Variants in NOL4L observed in about 807,000 individuals in gnomAD.
NOL4L encodes nucleolar protein 4-like.
A neutral mutation model predicts 64.5 loss-of-function variants in NOL4L; 7 were observed. That is an observed-to-expected ratio of 0.11 (90% confidence interval 0.06 to 0.20). The LOEUF (loss-of-function observed/expected upper bound fraction) is 0.20, where lower values mean the gene tolerates loss of function less well. NOL4L is among the 10% of genes least tolerant of loss of function. The probability of loss-of-function intolerance (pLI) is 1.00; values close to 1 mark genes in which losing one functional copy is unlikely to be tolerated. For missense variants in NOL4L, 680 were observed against 967.1 expected, an observed-to-expected ratio of 0.70 and a Z score of 3.94; for synonymous variants, 413 against 401.0, an observed-to-expected ratio of 1.03 and a Z score of -0.36.
At chr20:32,575,010 C>T (rs374467448) in intron 1 of NOL4L, among the ~76,000 whole-genome samples, 2 of 152,288 alleles carry the variant, frequency 1.3e-5, no homozygotes, top group African/African-American at 4.8e-5. Context: ...ACCGCTGGTC[C>T]GTCGAGGAAA....
intron 3 of NOL4L, among the ~76,000 whole-genome samples, chr20:32,513,727 T>G (rs1272505702): frequency 6.6e-6 from 1 of 152,016 alleles, no homozygotes; most frequent in African/African-American, 2.4e-5. Context: ...TAGCTGGGTG[T>G]GGTGGCACGT....
chr20:32,461,454 GCT>G (rs1288916055), intron 5 of NOL4L, among the ~76,000 whole-genome samples: 30 of 128,014 alleles, frequency 2.3e-4, no homozygotes, highest in Non-Finnish European at 4.3e-4. Context: ...ACGGAGTCTT[GCT>G]CTGTTGCTCA....
chr20:32,557,340 T>C (rs531248130), intron 1 of NOL4L, among the ~76,000 whole-genome samples: 3 of 152,370 alleles, frequency 2.0e-5, no homozygotes, highest in East Asian at 1.9e-4. Flanking sequence ...GTGCTCATTG[T>C]AGCTAATTAG....
chr20:32,462,475 C>T (rs1335615159), intron 5 of NOL4L, among the ~76,000 whole-genome samples: 2 of 152,188 alleles, frequency 1.3e-5, no homozygotes, highest in East Asian at 3.9e-4. Flanking sequence ...GGGCTGGCTG[C>T]AACCCTCACA....
At chr20:32,488,793 T>TCCTTCCTTTCTTTCTTTC (rs1304215016) in intron 4 of NOL4L, among the ~76,000 whole-genome samples, 6 of 26,902 alleles carry the variant, frequency 2.2e-4, no homozygotes, top group South Asian at 1.0e-3. Flanking sequence ...CTTCCTTCCT[T>TCCTTCCTTTCTTTCTTTC]TCTTTCTTTC....
chr20:32,461,547 C>G (rs896228496), intron 5 of NOL4L, among the ~76,000 whole-genome samples: 1 of 151,138 alleles, frequency 6.6e-6, no homozygotes, highest in Non-Finnish European at 1.5e-5. Flanking sequence ...CTCGGCTTCC[C>G]GAGTAGCTGG....
intron 4 of NOL4L, chr20:32,483,521 C>T (rs554283946): frequency 3.1e-6 from 3 of 977,448 alleles, no homozygotes; most frequent in Non-Finnish European, 3.6e-6. Flanking sequence ...CTGCCCGGCC[C>T]GGGGGCGGGG....
intron 6 of NOL4L, 50 bp downstream of exon 6, chr20:32,456,068 G>A (rs529094139): frequency 3.1e-5 from 45 of 1,445,082 alleles, no homozygotes; most frequent in Middle Eastern, 2.1e-4. Context: ...TTCTCGCCTC[G>A]CGACAGCCCT....
chr20:32,536,960 GGCCCC>G, intron 1 of NOL4L: 1 of 661,000 alleles, frequency 1.5e-6, no homozygotes, highest in Non-Finnish European at 1.9e-6. Flanking sequence ...CGCCCGCGCG[GGCCCC>G]GCCCACCCCA....
chr20:32,562,246 C>T (rs1008379248), intron 1 of NOL4L, among the ~76,000 whole-genome samples: 2 of 152,150 alleles, frequency 1.3e-5, no homozygotes, highest in African/African-American at 4.8e-5. Flanking sequence ...GATTGACTTC[C>T]ACCCCCCACC....
intron 1 of NOL4L, among the ~76,000 whole-genome samples, chr20:32,584,032 G>A (rs1249919542): frequency 2.1e-5 from 3 of 146,104 alleles, no homozygotes; most frequent in Admixed American, 6.8e-5. Flanking sequence ...GCCCGGGCGG[G>A]CCCCCTCCCC....
intron 4 of NOL4L, among the ~76,000 whole-genome samples, chr20:32,481,521 G>A (rs922789825): frequency 1.3e-5 from 2 of 151,614 alleles, no homozygotes; most frequent in Admixed American, 6.6e-5. Context: ...CCCCAAAGGC[G>A]TCTTCTCAGC....
At chr20:32,498,573 G>A (rs985181674) in intron 4 of NOL4L, among the ~76,000 whole-genome samples, 2 of 151,656 alleles carry the variant, frequency 1.3e-5, no homozygotes, top group Non-Finnish European at 2.9e-5. Context: ...GACCAGCCTG[G>A]GCAACACGTG....
rs562048019 is a variant in NOL4L at position 32,530,302 on chromosome 20, G to A, written c.322-2389C>T. Among the ~76,000 whole-genome samples, 319 of 152,340 alleles carry A rather than the reference G, an allele frequency of 2.1e-3. 1 individual carries two copies. The South Asian group carries it at 0.039, about 18-fold the overall frequency. On this transcript the variant is annotated intron_variant, in intron 1 of 10. Transcript: ENST00000621426. ...CACGCCTGTAATCCCAGCACTTTGG[G>A]AGGCCAAGGCGGGTGGATCATGAGG...
chr20:32,554,048 CG>C (rs997490232), intron 1 of NOL4L, among the ~76,000 whole-genome samples: 2 of 152,088 alleles, frequency 1.3e-5, no homozygotes, highest in Non-Finnish European at 2.9e-5. Context: ...TGGCCAGGCG[CG>C]GTGGCTCACA....
chr20:32,527,890 T>C lies in NOL4L; in HGVS notation c.345A>G (p.Pro115=). 1 of 1,550,516 alleles carries C rather than the reference T, an allele frequency of 6.4e-7. No individual in the cohort carries two copies. Among genetic ancestry groups the C allele is most frequent in the Non-Finnish European group, 8.7e-7 (1 of 1,146,926 alleles). ...CGACCCGCTTCAGAGAGATGCCCTC[T>C]GGCTCCGACAGGCCATCTGCCCCCT... ...TGSGADGLSE[P]EGISLKRVAV... The change falls in exon 2 of 11, where the codon CCA becomes CCG. Residue 115 remains proline, a synonymous_variant. Coordinates refer to ENST00000621426, the MANE Select transcript of NOL4L (RefSeq NM_001256798.2).
At position 32,453,509 on chromosome 20, in the gene NOL4L, G is replaced by T. The variant is rs750928287; in HGVS notation, c.1306-14C>A. The T allele has an allele frequency of 2.2e-5, 35 of 1,613,338 alleles. No individual in the cohort carries two copies. The highest frequency in any genetic ancestry group is 3.0e-5 in the Non-Finnish European group (35 of 1,179,404). On this transcript the variant is annotated splice_polypyrimidine_tract_variant and intron_variant, in intron 7 of 10. Coordinates refer to ENST00000621426, the MANE Select transcript of NOL4L (RefSeq NM_001256798.2). This position sits in a 1 kb window ranked among gnomAD's most constrained non-coding sequence, Gnocchi z 5.6. ...ACGCACAAACATCTGTGGAGACACG[G>T]GCCATGGGAAGGGCTGGCCCTGGCC...
At chr20:32,573,611 T>A (rs1444258328) in intron 1 of NOL4L, 6 of 205,928 alleles carry the variant, frequency 2.9e-5, no homozygotes, top group Non-Finnish European at 6.0e-5. Flanking sequence ...AATCCATAGC[T>A]ATTGTCATCC....
chr20:32,556,101 G>C (rs1452746837), intron 1 of NOL4L, among the ~76,000 whole-genome samples: 1 of 152,170 alleles, frequency 6.6e-6, no homozygotes, highest in Non-Finnish European at 1.5e-5. Flanking sequence ...TGCATAGTAG[G>C]CCCCCCCTAA....
Sources: allele counts gnomAD v4.1 joint callset (sites outside exome capture counted in the v4.1 genomes callset), GRCh38; gene constraint gnomAD v4.1.1; non-coding constraint Gnocchi (gnomAD v3.1); transcripts MANE v1.5; gene names NCBI Gene and HGNC (gene_info 2026-07-23, HGNC 2026-07-21).